Variants in XPNPEP3 observed in about 807,000 individuals in gnomAD.
The protein encoded by XPNPEP3 is xaa-Pro aminopeptidase 3.
In XPNPEP3, 41 loss-of-function variants were observed where a neutral mutation model predicts 60.0. The ratio of observed to expected loss-of-function variants is 0.68; its 90% CI spans 0.53 to 0.89. XPNPEP3 has a LOEUF of 0.89. Ranked by LOEUF, XPNPEP3 falls within the 40% of genes least tolerant of loss-of-function variation. XPNPEP3 has a pLI of 0.00. For missense variants in XPNPEP3, 598 were observed against 638.9 expected, an observed-to-expected ratio of 0.94 and a Z score of 0.69; for synonymous variants, 212 against 223.2, an observed-to-expected ratio of 0.95 and a Z score of 0.45.
At chr22:40,877,737 T>A (rs1282648799) in intron 2 of XPNPEP3, among the ~76,000 whole-genome samples, 2 of 152,210 alleles carry the variant, frequency 1.3e-5, no homozygotes, top group African/African-American at 2.4e-5. Flanking sequence ...CCACGTTGCC[T>A]GAGGATCTAT....
intron 4 of XPNPEP3, 53 bp downstream of exon 4, chr22:40,886,568 G>C: frequency 6.4e-7 from 1 of 1,572,100 alleles, no homozygotes; most frequent in South Asian, 1.1e-5. Context: ...GCTCACGCCT[G>C]TAATCCAAGC....
chr22:40,882,713 C>G (rs2058053208), intron 3 of XPNPEP3, among the ~76,000 whole-genome samples: 1 of 151,938 alleles, frequency 6.6e-6, no homozygotes, highest in Admixed American at 6.6e-5. Flanking sequence ...CACTGCACTC[C>G]AGCCTAGGCG....
intron 4 of XPNPEP3, among the ~76,000 whole-genome samples, chr22:40,891,045 A>G (rs913317057): frequency 6.6e-6 from 1 of 151,800 alleles, no homozygotes; most frequent in Non-Finnish European, 1.5e-5. Context: ...TTCCTTCTCA[A>G]AAAGTTACAT....
rs1569009249 is a variant in XPNPEP3 at position 40,857,243 on chromosome 22, C to A, written c.62C>A (p.Ser21Ter). The change falls in exon 1 of 10, where the codon TCA becomes TAA. Residue 21 changes from serine to a stop codon, truncating the protein, a stop_gained and splice_region_variant. Coordinates refer to ENST00000357137, the MANE Select transcript of XPNPEP3 (RefSeq NM_022098.4). LOFTEE classifies it high-confidence loss of function. ...GCTGTAGCAAACGTCCGCGGCCTCT[C>A]AGGTTAGACTCTTCTCCCACGGTCT... ...VPAVANVRGL[S>*]GCMLCSQRRY... The A allele has an allele frequency of 6.2e-7, 1 of 1,614,164 alleles. No individual in the cohort carries two copies. Among genetic ancestry groups the A allele is most frequent in the Non-Finnish European group, 8.5e-7 (1 of 1,180,020 alleles).
chr22:40,907,674 C>T (rs758622535), intron 5 of XPNPEP3, 25 bp downstream of exon 5: 2 of 1,607,112 alleles, frequency 1.2e-6, no homozygotes, highest in Non-Finnish European at 1.7e-6. Context: ...GTTAGCTTCA[C>T]CATCTTGTTG....
At chr22:40,904,587 C>G (rs1352010209) in intron 4 of XPNPEP3, among the ~76,000 whole-genome samples, 1 of 152,074 alleles carries the variant, frequency 6.6e-6, no homozygotes, top group Non-Finnish European at 1.5e-5. Flanking sequence ...CAACAATTAT[C>G]TATGCCAGGC....
Position 40,902,103 on chromosome 22 carries a change from C to T in XPNPEP3, c.793-5484C>T, listed in dbSNP as rs1213888277. Among the ~76,000 whole-genome samples the T allele has an allele frequency of 5.6e-4, 77 of 137,022 alleles. 1 individual carries two copies. Among genetic ancestry groups the T allele is most frequent in the Non-Finnish European group, 9.3e-4 (61 of 65,908 alleles). The allele number at this position is 137,022 out of a possible 152,430, so 89.9% of individuals were successfully genotyped here. A position where few individuals can be genotyped will look rare whatever the true frequency, so the allele number is the denominator to read the frequency against. ...TTTTTTTTTTTTTGAGATGGAGTCT[C>T]GCTCTGTCGCCCAGGCTGGAGTGTG... On this transcript the variant is annotated intron_variant, in intron 4 of 9. Transcript: ENST00000357137.
chr22:40,864,992 A>G (rs2057970945), intron 1 of XPNPEP3, among the ~76,000 whole-genome samples: 1 of 152,242 alleles, frequency 6.6e-6, no homozygotes, highest in African/African-American at 2.4e-5. Flanking sequence ...AGAAATTCAT[A>G]TAGTTTGAAA....
chr22:40,894,130 G>A (rs2058099177), intron 4 of XPNPEP3, among the ~76,000 whole-genome samples: 1 of 152,146 alleles, frequency 6.6e-6, no homozygotes, highest in South Asian at 2.1e-4. Context: ...CTATGATACA[G>A]GTGCTGCTAT....
intron 4 of XPNPEP3, among the ~76,000 whole-genome samples, chr22:40,893,773 C>T (rs1301133705): frequency 1.3e-5 from 2 of 151,930 alleles, no homozygotes; most frequent in Admixed American, 6.6e-5. Flanking sequence ...TGTGCCACTA[C>T]GCCTGGCTAA....
At chr22:40,862,245 T>G (rs939171234) in intron 1 of XPNPEP3, 1 of 1,212,856 alleles carries the variant, frequency 8.2e-7, no homozygotes, top group South Asian at 2.6e-5. Context: ...ACCTTCCAAA[T>G]AGAGCTAGTC....
At position 40,901,935 on chromosome 22, in the gene XPNPEP3, G is replaced by A. The variant is rs372911413; in HGVS notation, c.793-5652G>A. On this transcript the variant is annotated intron_variant, in intron 4 of 9. Transcript: ENST00000357137. ...TGTTTGGGAACTAGAGAGAGGTGGT[G>A]GTTGCAAAACATTGTGAATGTACTA... Among the ~76,000 whole-genome samples, 35 of 152,150 alleles carry A rather than the reference G, an allele frequency of 2.3e-4. No homozygotes were observed. The East Asian group carries it at 5.4e-3, about 24-fold the overall frequency.
chr22:40,922,057 A>G (rs2058218553), intron 7 of XPNPEP3, among the ~76,000 whole-genome samples: 1 of 151,870 alleles, frequency 6.6e-6, no homozygotes, highest in Admixed American at 6.6e-5. Context: ...GACTGCACTC[A>G]TGGCTCAGTG....
At chr22:40,891,149 C>T (rs2058086566) in intron 4 of XPNPEP3, among the ~76,000 whole-genome samples, 1 of 143,430 alleles carries the variant, frequency 7.0e-6, no homozygotes, top group South Asian at 2.2e-4. Flanking sequence ...TTGAAACCAA[C>T]CTAGGCCTCA....
intron 1 of XPNPEP3, chr22:40,862,900 CAAATA>C (rs1811949846): frequency 3.9e-6 from 1 of 258,614 alleles, no homozygotes; most frequent in Non-Finnish European, 6.0e-6. Context: ...AATAGGAGAA[CAAATA>C]AAATAATTTA....
rs141349308 is a variant in XPNPEP3 at position 40,878,009 on chromosome 22, C to T, written c.182-3761C>T. Among the ~76,000 whole-genome samples the T allele has an allele frequency of 5.0e-3, 767 of 152,142 alleles. 6 individuals are homozygous for T. The highest frequency in any genetic ancestry group is 7.8e-3 in the Non-Finnish European group (531 of 68,006). ...ATCACCTGAGGTCAGGAGTTCAAGA[C>T]CAGCCTGACCAACATGGTGAAACCC... On this transcript the variant is annotated intron_variant, in intron 2 of 9. Coordinates refer to ENST00000357137, the MANE Select transcript of XPNPEP3 (RefSeq NM_022098.4).
intron 3 of XPNPEP3, among the ~76,000 whole-genome samples, chr22:40,885,066 T>C (rs746706894): frequency 6.6e-6 from 1 of 152,066 alleles, no homozygotes; most frequent in Non-Finnish European, 1.5e-5. Context: ...AATTTCCATC[T>C]ATCGTAAGTA....
At chr22:40,883,364 T>C (rs2146251511) in intron 3 of XPNPEP3, among the ~76,000 whole-genome samples, 1 of 150,760 alleles carries the variant, frequency 6.6e-6, no homozygotes, top group South Asian at 2.1e-4. Context: ...TCTTTTTTTG[T>C]TTTTTTTTAG....
At chr22:40,903,901 C>A (rs889600071) in intron 4 of XPNPEP3, among the ~76,000 whole-genome samples, 3 of 151,912 alleles carry the variant, frequency 2.0e-5, no homozygotes, top group African/African-American at 7.3e-5. Context: ...CACACACACA[C>A]ACACACACAC....
Sources: gnomAD v4.1 joint callset for allele counts (sites outside exome capture counted in the v4.1 genomes callset) on GRCh38, gnomAD v4.1.1 for gene constraint, MANE v1.5 for transcripts, NCBI Gene and HGNC (gene_info 2026-07-23, HGNC 2026-07-21) for gene names.